Variants in PHF21A observed in about 807,000 individuals in gnomAD.
PHF21A encodes PHD finger protein 21A, also known as BHC80a.
Under a neutral mutation model 82.5 loss-of-function variants are expected in PHF21A, and 11 were observed. The ratio of observed to expected loss-of-function variants is 0.13; its 90% CI spans 0.08 to 0.22. PHF21A has a LOEUF of 0.22. Ranked by LOEUF, PHF21A falls within the 10% of genes least tolerant of loss-of-function variation. The pLI is 1.00. For missense variants in PHF21A, 579 were observed against 837.8 expected (o/e 0.69, Z 3.81); for synonymous variants, 297 against 302.8 (o/e 0.98, Z 0.20).
intron 10 of PHF21A, among the ~76,000 whole-genome samples, chr11:45,958,449 T>TACACACAC (rs60775450): frequency 0.13 from 1,874 of 14,812 alleles, 312 homozygotes; most frequent in East Asian, 0.17. Flanking sequence ...TATATATATA[T>TACACACAC]ACACACACAC....
At chr11:46,079,401 A>T (rs1332243974) in intron 4 of PHF21A, among the ~76,000 whole-genome samples, 1 of 146,740 alleles carries the variant, frequency 6.8e-6, no homozygotes, top group Non-Finnish European at 1.5e-5. Flanking sequence ...CTGATTTTTA[A>T]ATCTGGACAG....
At chr11:45,951,932 G>A (rs898191943) in intron 11 of PHF21A, among the ~76,000 whole-genome samples, 9 of 150,772 alleles carry the variant, frequency 6.0e-5, no homozygotes, top group African/African-American at 1.5e-4. Context: ...TCAGCCTCCC[G>A]AGTACCTGGG....
intron 6 of PHF21A, among the ~76,000 whole-genome samples, chr11:46,006,179 G>T (rs914679564): frequency 6.6e-6 from 1 of 152,124 alleles, no homozygotes; most frequent in Non-Finnish European, 1.5e-5. Context: ...ATAAATAAGA[G>T]CCAAATGATT....
chr11:45,935,668 G>T lies in PHF21A; in HGVS notation c.1756C>A (p.Gln586Lys). ...DLKQEREQLE[Q>K]KVKQLSNSIS... ...GAATTGCTGAGCTGTTTCACCTTTT[G>T]CTCTAGTTGTTCTCGTTCTTGTTTT... The change falls in exon 18 of 19, where the codon CAA becomes AAA. Residue 586 changes from glutamine to lysine, a missense_variant. By Grantham distance (53) the Gln-to-Lys change is moderately conservative. Transcript: ENST00000676320. 6.5e-7 allele frequency: 1 copy of T among 1,531,504 alleles called. No homozygotes were observed. The highest frequency in any genetic ancestry group is 9.0e-7 in the Non-Finnish European group (1 of 1,116,148). The allele number at this position is 1,531,504 out of a possible 1,614,324, so 94.9% of individuals were successfully genotyped here.
chr11:45,948,176 T>C (rs571095490), intron 14 of PHF21A, among the ~76,000 whole-genome samples: 1 of 152,352 alleles, frequency 6.6e-6, no homozygotes, highest in Admixed American at 6.5e-5. Flanking sequence ...TTTCAGTACC[T>C]TGTTTATGAG....
chr11:45,935,539 G>A (rs150179334), intron 18 of PHF21A, 97 bp downstream of exon 18: 24 of 783,692 alleles, frequency 3.1e-5, no homozygotes, highest in Admixed American at 1.8e-4. Flanking sequence ...AGAAGGACCC[G>A]AAACAGCCTG....
intron 6 of PHF21A, among the ~76,000 whole-genome samples, chr11:46,026,649 T>G (rs766480818): frequency 4.0e-4 from 61 of 152,098 alleles, no homozygotes; most frequent in Non-Finnish European, 7.2e-4. Context: ...AAAAAATCCT[T>G]TAAAGTCAAG....
At chr11:45,950,765 G>C (rs910993001) in intron 11 of PHF21A, among the ~76,000 whole-genome samples, 2 of 152,158 alleles carry the variant, frequency 1.3e-5, no homozygotes, top group Admixed American at 6.5e-5. Flanking sequence ...TTAAAAAGAA[G>C]AGGATTTCAT....
intron 7 of PHF21A, among the ~76,000 whole-genome samples, chr11:45,976,789 G>A (rs2094048902): frequency 6.6e-6 from 1 of 152,140 alleles, no homozygotes; most frequent in African/African-American, 2.4e-5. Flanking sequence ...AGCTGAGATT[G>A]TGCCACTGCA....
chr11:46,095,599 G>C (rs2096984793), intron 1 of PHF21A, among the ~76,000 whole-genome samples: 1 of 151,970 alleles, frequency 6.6e-6, no homozygotes. Context: ...GCTCTAATTA[G>C]AGCTGGTAAA....
chr11:46,075,087 A>G (rs760217972), intron 6 of PHF21A, among the ~76,000 whole-genome samples: 4 of 152,374 alleles, frequency 2.6e-5, no homozygotes, highest in Non-Finnish European at 4.4e-5. Flanking sequence ...AACTTAGTTC[A>G]GAGAACAATT....
At chr11:45,955,307 C>G (rs1231823064) in intron 10 of PHF21A, among the ~76,000 whole-genome samples, 1 of 152,066 alleles carries the variant, frequency 6.6e-6, no homozygotes, top group Non-Finnish European at 1.5e-5. Flanking sequence ...CACACACACA[C>G]ACTTTTTAAT....
intron 3 of PHF21A, among the ~76,000 whole-genome samples, chr11:46,087,151 T>C (rs1180337254): frequency 6.6e-6 from 1 of 152,220 alleles, no homozygotes; most frequent in East Asian, 1.9e-4. Flanking sequence ...ATTGATATTT[T>C]CAAAATTTTC....
At chr11:45,938,068 G>C (rs1012731203) in intron 16 of PHF21A, 89 bp downstream of exon 16, 2 of 1,141,992 alleles carry the variant, frequency 1.8e-6, no homozygotes, top group Non-Finnish European at 2.5e-6. Context: ...AGAGAGAAGA[G>C]ACTGCCATTT....
intron 6 of PHF21A, among the ~76,000 whole-genome samples, chr11:46,009,232 C>T (rs2095363649): frequency 6.6e-6 from 1 of 152,054 alleles, no homozygotes; most frequent in Non-Finnish European, 1.5e-5. Context: ...CCTCGGTCTC[C>T]CAAAGTGCTG....
In PHF21A at chr11:46,065,330, T is replaced by C. The variant is rs530119776; in HGVS notation, c.153+11424A>G. Among the ~76,000 whole-genome samples the C allele has an allele frequency of 4.1e-4, 63 of 152,256 alleles. No individual in the cohort carries two copies. In the South Asian group the frequency reaches 0.013, roughly 31 times the overall value. On this transcript the variant is annotated intron_variant, in intron 6 of 18. Transcript: ENST00000676320. ...TTCCATAATCATAAAAAGAGATATT[T>C]AATAAGAAATGGTCCTTTTTTGCCC... is the stretch of plus-strand genomic sequence containing the variant.
At chr11:45,973,855 TG>T (rs1209274782) in intron 7 of PHF21A, among the ~76,000 whole-genome samples, 1 of 152,252 alleles carries the variant, frequency 6.6e-6, no homozygotes, top group South Asian at 2.1e-4. Flanking sequence ...CTCACTGACA[TG>T]GATTTTAAAG....
At chr11:46,111,013 G>A (rs2097207041) in intron 1 of PHF21A, among the ~76,000 whole-genome samples, 1 of 150,862 alleles carries the variant, frequency 6.6e-6, no homozygotes, top group East Asian at 2.0e-4. Flanking sequence ...TCGAACTCTT[G>A]ACCTCAGGTG....
chr11:45,934,768 C>A (rs2088441549), intron 18 of PHF21A: 2 of 342,838 alleles, frequency 5.8e-6, no homozygotes, highest in South Asian at 4.6e-5. Flanking sequence ...AGGCCTGCAG[C>A]CAGTACACCT....
Sources: gnomAD v4.1 joint callset for allele counts (sites outside exome capture counted in the v4.1 genomes callset) on GRCh38, gnomAD v4.1.1 for gene constraint, MANE v1.5 for transcripts, NCBI Gene and HGNC (gene_info 2026-07-23, HGNC 2026-07-21) for gene names.